TANK: variants seen among roughly 807,000 people sequenced by gnomAD.
TANK encodes TRAF family member associated NFKB activator, also known as TRAF family member-associated NF-kappa-B activator.
A neutral mutation model predicts 43.6 loss-of-function variants in TANK; 15 were observed. The ratio of observed to expected loss-of-function variants is 0.34; its 90% confidence interval spans 0.23 to 0.53. The LOEUF (loss-of-function observed/expected upper bound fraction) is 0.53, where lower values mean the gene tolerates loss of function less well. Ranked by LOEUF, TANK falls within the 20% of genes least tolerant of loss-of-function variation. The pLI is 0.94. For synonymous variants in TANK, 162 were observed against 178.2 expected, an observed-to-expected ratio of 0.91 and a Z score of 0.73; for missense variants, 417 against 498.6, an observed-to-expected ratio of 0.84 and a Z score of 1.56.
At position 161,230,115 on chromosome 2, in the gene TANK, A is replaced by G. The variant is rs78215802; in HGVS notation, c.521-856A>G. ...TTTAATTTGCTGTTTCAAACCAGCT[A>G]TGAGCTGTGGAAATACCACCAAGTT... is the stretch of plus-strand genomic sequence containing the variant. On this transcript the variant is annotated intron_variant, in intron 6 of 7. Transcript: ENST00000392749. Among the ~76,000 whole-genome samples, 1,033 of 152,316 alleles carry G rather than the reference A, an allele frequency of 6.8e-3. 13 individuals are homozygous for G. The highest frequency in any genetic ancestry group is 0.023 in the African/African-American group (962 of 41,560).
chr2:161,201,432 A>T (rs1270792370), intron 2 of TANK: 1 of 272,228 alleles, frequency 3.7e-6, no homozygotes, highest in Non-Finnish European at 5.6e-6. Context: ...AAGGTGGGAA[A>T]AAAAGACATA....
intron 1 of TANK, 63 bp from the exon 2 acceptor site, chr2:161,179,551 G>C: frequency 7.1e-7 from 1 of 1,403,998 alleles, no homozygotes; most frequent in Non-Finnish European, 9.6e-7. Context: ...TCTTTAAGAT[G>C]CATTTTTAAA....
chr2:161,201,864 C>T (rs775406725), intron 2 of TANK, among the ~76,000 whole-genome samples: 8 of 152,172 alleles, frequency 5.3e-5, no homozygotes, highest in South Asian at 2.1e-4. Context: ...AGTTCTGAGA[C>T]GTATTCATTG....
chr2:161,200,307 T>A (rs940721603), intron 2 of TANK: 4 of 976,556 alleles, frequency 4.1e-6, no homozygotes, highest in Non-Finnish European at 4.9e-6. Context: ...AATTGTATTT[T>A]AAAAAAATAC....
At chr2:161,160,077 T>G (rs13395640), upstream of TANK, 21,817 of 220,804 alleles carry the variant, frequency 0.099, 2,005 homozygotes, top group African/African-American at 0.26. Context: ...GTGATTCTTG[T>G]GTACTCTAAC....
chr2:161,202,707 A>T (rs1686476098), intron 2 of TANK, among the ~76,000 whole-genome samples: 1 of 152,090 alleles, frequency 6.6e-6, no homozygotes, highest in Non-Finnish European at 1.5e-5. Flanking sequence ...GAAATTGGTT[A>T]AAAAAAGAGT....
chr2:161,216,608 G>A (rs1478794019), intron 4 of TANK, among the ~76,000 whole-genome samples: 1 of 144,954 alleles, frequency 6.9e-6, no homozygotes, highest in African/African-American at 2.6e-5. Context: ...AAAAAAAAAA[G>A]TTGGTGAGGC....
At chr2:161,137,011 T>C in exon 1 of TANK, 1 of 985,400 alleles carries the variant, frequency 1.0e-6, no homozygotes, top group Non-Finnish European at 1.2e-6. Context: ...GTAACTGTCT[T>C]CATCTTTACA....
chr2:161,217,609 G>GTA (rs1351226008), intron 4 of TANK, among the ~76,000 whole-genome samples: 5 of 151,540 alleles, frequency 3.3e-5, no homozygotes, highest in Non-Finnish European at 7.4e-5. Flanking sequence ...GTGTGTGTGT[G>GTA]TGTGTGTGTG....
chr2:161,191,328 A>G (rs1685905929), intron 2 of TANK, among the ~76,000 whole-genome samples: 2 of 152,216 alleles, frequency 1.3e-5, no homozygotes, highest in Non-Finnish European at 2.9e-5. Flanking sequence ...ATATAAAGTG[A>G]TAGTCCTCTC....
rs747673996 is a variant in TANK at position 161,179,765 on chromosome 2, T to G, written c.99+4T>G. The G allele has an allele frequency of 1.1e-5, 18 of 1,608,752 alleles. No individual in the cohort carries two copies. The highest frequency in any genetic ancestry group is 1.4e-5 in the Non-Finnish European group (17 of 1,176,826). ...AGTAAAAGAATTACAGCAAAAGGTGTGTGGTTCTGGTTTTGAAAGTTATTC... is the reference window on the plus strand; with the variant it reads ...AGTAAAAGAATTACAGCAAAAGGTGGGTGGTTCTGGTTTTGAAAGTTATTC... On this transcript the variant is annotated splice_donor_region_variant and intron_variant, in intron 2 of 7. Coordinates refer to ENST00000392749, the MANE Select transcript of TANK (RefSeq NM_001199135.3).
chr2:161,185,876 A>G (rs1009804843), intron 2 of TANK, among the ~76,000 whole-genome samples: 1 of 152,214 alleles, frequency 6.6e-6, no homozygotes, highest in Non-Finnish European at 1.5e-5. Context: ...AAAAATAATA[A>G]TAATTCATGC....
intron 2 of TANK, among the ~76,000 whole-genome samples, chr2:161,188,751 C>G (rs1360570173): frequency 6.6e-6 from 1 of 152,140 alleles, no homozygotes; most frequent in Non-Finnish European, 1.5e-5. Context: ...TGAATATTTG[C>G]TATGGTTTGA....
intron 1 of TANK, among the ~76,000 whole-genome samples, chr2:161,150,838 G>T (rs559824685): frequency 6.6e-6 from 1 of 152,184 alleles, no homozygotes; most frequent in East Asian, 1.9e-4. Flanking sequence ...TGATCTGCTT[G>T]TCTCAACCTC....
At chr2:161,224,783 C>A in intron 6 of TANK, 37 bp downstream of exon 6, 1 of 1,232,924 alleles carries the variant, frequency 8.1e-7, no homozygotes, top group Non-Finnish European at 1.1e-6. Flanking sequence ...TATTGATTTG[C>A]TTGATTGAAA....
At chr2:161,227,860 A>AT (rs1687708991) in intron 6 of TANK, among the ~76,000 whole-genome samples, 1 of 152,238 alleles carries the variant, frequency 6.6e-6, no homozygotes, top group East Asian at 1.9e-4. Context: ...GCCAGGGAAA[A>AT]TGACTACTCG....
At chr2:161,179,043 G>A (rs1439059125) in intron 1 of TANK, among the ~76,000 whole-genome samples, 1 of 152,164 alleles carries the variant, frequency 6.6e-6, no homozygotes, top group Non-Finnish European at 1.5e-5. Flanking sequence ...GGGTAGGACT[G>A]AAGGGATGTG....
chr2:161,213,599 C>CAA (rs534652154), intron 4 of TANK, among the ~76,000 whole-genome samples: 5 of 54,606 alleles, frequency 9.2e-5, no homozygotes, highest in African/African-American at 2.4e-4. Context: ...GACTTTGTCT[C>CAA]AAAAAAAAAA....
At chr2:161,159,638 A>G (rs552845669), upstream of TANK, among the ~76,000 whole-genome samples, 5 of 152,378 alleles carry the variant, frequency 3.3e-5, no homozygotes, top group South Asian at 8.3e-4. Flanking sequence ...CTAAGGAAAG[A>G]TGTGTAAACA....
Sources: allele counts gnomAD v4.1 joint callset (sites outside exome capture counted in the v4.1 genomes callset), GRCh38; gene constraint gnomAD v4.1.1; transcripts MANE v1.5; gene names NCBI Gene and HGNC (gene_info 2026-07-23, HGNC 2026-07-21).